The following LRRC59 variants were observed in gnomAD, a reference collection of about 807,000 sequenced individuals.
LRRC59 encodes leucine-rich repeat-containing protein 59.
Under a neutral mutation model 33.5 loss-of-function variants are expected in LRRC59, and 18 were observed. That is an observed-to-expected ratio of 0.54 (90% confidence interval 0.37 to 0.80). LRRC59 has a LOEUF of 0.80. Among genes scored for constraint, LRRC59 ranks in the 30% least tolerant of loss-of-function variants. LRRC59 has a pLI of 0.00. For missense variants in LRRC59, 330 were observed against 391.9 expected (o/e 0.84, Z 1.33); for synonymous variants, 138 against 160.0 (o/e 0.86, Z 1.04).
chr17:50,387,914 C>T (rs1191816899), intron 5 of LRRC59, 146 bp downstream of exon 5: 16 of 763,156 alleles, frequency 2.1e-5, no homozygotes, highest in Non-Finnish European at 2.9e-5. Flanking sequence ...CAGATAAAGA[C>T]GATACCATCC....
intron 4 of LRRC59, among the ~76,000 whole-genome samples, chr17:50,391,928 G>A (rs1234123084): frequency 6.6e-6 from 1 of 152,230 alleles, no homozygotes; most frequent in East Asian, 1.9e-4. Flanking sequence ...GCCAGGCATG[G>A]TGGCTCACGC....
chr17:50,387,768 G>A lies in LRRC59; in HGVS notation c.502+292C>T, dbSNP rs140201747. On this transcript the variant is annotated intron_variant, in intron 5 of 6. Transcript: ENST00000225972. The stretch of plus-strand genomic sequence containing the variant: ...TCCTATTACAGGGAACACTGGGAGG[G>A]ACTGAAGGGCCATCAGGAATCTGTT... Among the ~76,000 whole-genome samples, 119 of 152,246 alleles carry A rather than the reference G, an allele frequency of 7.8e-4. 1 individual carries two copies. Among genetic ancestry groups the A allele is most frequent in the African/African-American group, 2.7e-3 (111 of 41,540 alleles).
Position 50,397,293 on chromosome 17 carries a change from C to T in LRRC59, c.25G>A (p.Gly9Arg). 1 of 1,609,460 alleles carries T rather than the reference C, an allele frequency of 6.2e-7. No homozygotes were observed. The highest frequency in any genetic ancestry group is 1.1e-5 in the South Asian group (1 of 90,288). The change falls in exon 1 of 7, where the codon GGG becomes AGG. Residue 9 changes from glycine to arginine, a missense_variant. Coordinates refer to ENST00000225972, the MANE Select transcript of LRRC59 (RefSeq NM_018509.4). ...CCGTCCAGCTTGTCGCGGAGGTTCCCGCCCTTGCTACCGGCCTTGGTCATG... is the reference window on the plus strand; with the variant it reads ...CCGTCCAGCTTGTCGCGGAGGTTCCTGCCCTTGCTACCGGCCTTGGTCATG... MTKAGSKG[G>R]NLRDKLDGNE... is the part of the protein sequence containing the mutation.
chr17:50,390,695 C>T (rs896281604), intron 4 of LRRC59, among the ~76,000 whole-genome samples: 3 of 152,114 alleles, frequency 2.0e-5, no homozygotes, highest in African/African-American at 4.8e-5. Context: ...TAAGACTAAC[C>T]CATATACCCA....
intron 4 of LRRC59, among the ~76,000 whole-genome samples, chr17:50,391,702 G>A (rs571294340): frequency 1.3e-5 from 2 of 152,280 alleles, no homozygotes; most frequent in East Asian, 1.9e-4. Flanking sequence ...TGCCCAGGAC[G>A]TGCCTGCTTA....
rs764437172 is a variant in LRRC59, at chr17:50,392,933, C to G, written c.166-36G>C. 8.8e-6 allele frequency: 14 copies of G among 1,593,164 alleles called. No individual in the cohort carries two copies. In the South Asian group the frequency reaches 1.3e-4, roughly 15 times the overall value. On this transcript the variant is annotated intron_variant, in intron 2 of 6. Transcript: ENST00000225972. ...AAGAGAGAACCTAAGCTAGGCTTGT[C>G]CAACACACGAGCCACGACAGCTTTA...
At chr17:50,389,086 A>G (rs1914079923) in intron 4 of LRRC59, among the ~76,000 whole-genome samples, 2 of 152,258 alleles carry the variant, frequency 1.3e-5, no homozygotes, top group African/African-American at 4.8e-5. Context: ...GCCAGAAAGC[A>G]GCACAGCTAA....
At position 50,385,236 on chromosome 17, in the gene LRRC59, T is replaced by C. The variant is rs779092494; in HGVS notation, c.558A>G (p.Glu186=). ...CTTCCGCCTTCTCCCGCTTCCGCAG[T>C]TCCCGCTCCTGAGCTTCCTTAGCTC... ...KQRAKEAQER[E]LRKREKAEEK... The change falls in exon 6 of 7, where the codon GAA becomes GAG. Residue 186 remains glutamate, a synonymous_variant. Transcript: ENST00000225972. The C allele has an allele frequency of 1.2e-6, 2 of 1,614,080 alleles. No individual in the cohort carries two copies. Among genetic ancestry groups the C allele is most frequent in the Non-Finnish European group, 1.7e-6 (2 of 1,180,052 alleles).
rs532797737 is a variant in LRRC59, at chr17:50,395,355, T to G, written c.106-367A>C. ...CTGCACAACACAGTGAGACCCCATC[T>G]CAAAAAAAAAAAAAAAGAAAGGAAG... On this transcript the variant is annotated intron_variant, in intron 1 of 6. Coordinates refer to ENST00000225972, the MANE Select transcript of LRRC59 (RefSeq NM_018509.4). Among the ~76,000 whole-genome samples, 362 of 48,176 alleles carry G rather than the reference T, an allele frequency of 7.5e-3. 2 individuals are homozygous for G. Among genetic ancestry groups the G allele is most frequent in the African/African-American group, 0.024 (337 of 13,994 alleles). The allele number at this position is 48,176 out of a possible 152,430, so 31.6% of individuals were successfully genotyped here. A position where few individuals can be genotyped will look rare whatever the true frequency, so the allele number is the denominator to read the frequency against.
intron 4 of LRRC59, among the ~76,000 whole-genome samples, chr17:50,389,528 ATC>A (rs759944650): frequency 6.6e-6 from 1 of 152,172 alleles, no homozygotes; most frequent in Non-Finnish European, 1.5e-5. Flanking sequence ...GCCTTGTATA[ATC>A]TCTGGCATTA....
At chr17:50,385,351 T>C in intron 5 of LRRC59, 60 bp from the exon 6 acceptor site, 1 of 1,551,600 alleles carries the variant, frequency 6.4e-7, no homozygotes. Flanking sequence ...CAGTTTGCTT[T>C]CCCAAGTGAT....
At chr17:50,384,999 G>T in intron 6 of LRRC59, 119 bp downstream of exon 6, 1 of 1,195,078 alleles carries the variant, frequency 8.4e-7, no homozygotes, top group Non-Finnish European at 1.2e-6. Context: ...CCACTCCCAA[G>T]CTTTAGAGTG....
In LRRC59 at chr17:50,383,042, A is replaced by G; in HGVS notation, c.870T>C (p.Gly290=). Residue 290 remains glycine (G), a synonymous_variant, in exon 7 of 7, where the codon GGT becomes GGC. Transcript: ENST00000225972. ...VNTIYDNAVQ[G]LRRHEILQWV... The stretch of plus-strand genomic sequence containing the variant: ...ACTGGAGGATCTCATGGCGGCGTAG[A>G]CCCTGGACCGCATTGTCATAGATGG... 1.9e-6 allele frequency: 3 copies of G among 1,612,842 alleles called. No homozygotes were observed. The highest frequency in any genetic ancestry group is 2.5e-6 in the Non-Finnish European group (3 of 1,179,996).
rs76858420 is a variant in LRRC59, at chr17:50,384,165, G to A, written c.677-930C>T. ...CCATAGTCAGGTAAAACACAAAAAT[G>A]TGTTTTCTATACAATGTGGCTCCCT... On this transcript the variant is annotated intron_variant, in intron 6 of 6. Coordinates refer to ENST00000225972, the MANE Select transcript of LRRC59 (RefSeq NM_018509.4). Among the ~76,000 whole-genome samples, 668 of 151,982 alleles carry A rather than the reference G, an allele frequency of 4.4e-3. 4 individuals are homozygous for A. Among genetic ancestry groups the A allele is most frequent in the African/African-American group, 0.015 (640 of 41,520 alleles).
intron 5 of LRRC59, among the ~76,000 whole-genome samples, chr17:50,387,590 TC>T (rs1914040357): frequency 6.6e-6 from 1 of 152,172 alleles, no homozygotes; most frequent in African/African-American, 2.4e-5. Flanking sequence ...ATTGTGATGG[TC>T]CCAGAATGGT....
intron 2 of LRRC59, among the ~76,000 whole-genome samples, chr17:50,393,494 T>C (rs1401253579): frequency 6.6e-6 from 1 of 152,216 alleles, no homozygotes; most frequent in African/African-American, 2.4e-5. Context: ...TTCTTGTTAT[T>C]TGCAGCACCT....
Position 50,382,618 on chromosome 17 carries a change from G to A in LRRC59, c.*370C>T, listed in dbSNP as rs1913889070. 4.1e-6 allele frequency: 1 copy of A among 242,368 alleles called. No individual in the cohort carries two copies. 15.0% of individuals were successfully genotyped at this position (242,368 alleles called of 1,614,324 possible). A position where few individuals can be genotyped will look rare whatever the true frequency, so the allele number is the denominator to read the frequency against. ...TTCCCAGGGAGGAATGAAAGGGTTTGTGGCATACAAAAGTATAAATGTAGT... is the reference window on the plus strand; with the variant it reads ...TTCCCAGGGAGGAATGAAAGGGTTTATGGCATACAAAAGTATAAATGTAGT... On this transcript the variant is annotated 3_prime_UTR_variant, in exon 7 of 7. Coordinates refer to ENST00000225972, the MANE Select transcript of LRRC59 (RefSeq NM_018509.4).
chr17:50,391,143 T>C (rs576770380), intron 4 of LRRC59, among the ~76,000 whole-genome samples: 1 of 152,098 alleles, frequency 6.6e-6, no homozygotes, highest in East Asian at 1.9e-4. Flanking sequence ...AAGGAAAGAG[T>C]AATCAATGGT....
intron 2 of LRRC59, 51 bp from the exon 3 acceptor site, chr17:50,392,948 C>G: frequency 6.4e-7 from 1 of 1,552,222 alleles, no homozygotes; most frequent in Non-Finnish European, 8.8e-7. Context: ...ACACGAGCCA[C>G]GACAGCTTTA....
Sources: allele counts gnomAD v4.1 joint callset (sites outside exome capture counted in the v4.1 genomes callset), GRCh38; gene constraint gnomAD v4.1.1; transcripts MANE v1.5; gene names NCBI Gene and HGNC (gene_info 2026-07-23, HGNC 2026-07-21).